Variants in NRG3 observed in about 807,000 individuals in gnomAD.
The protein encoded by NRG3 is neuregulin 3, also known as pro-neuregulin-3, membrane-bound isoform.
Under a neutral mutation model 66.9 loss-of-function variants are expected in NRG3, and 31 were observed. The ratio of observed to expected loss-of-function variants is 0.46; its 90% CI spans 0.35 to 0.63. The LOEUF is 0.63. NRG3 is among the 20% of genes least tolerant of loss of function. NRG3 has a pLI of 0.00. For missense variants in NRG3, 910 were observed against 878.9 expected (o/e 1.04, Z -0.45); for synonymous variants, 393 against 359.4 (o/e 1.09, Z -1.06).
At chr10:82,659,522 G>A (rs1053379158) in intron 2 of NRG3, among the ~76,000 whole-genome samples, 5 of 152,100 alleles carry the variant, frequency 3.3e-5, no homozygotes, top group Non-Finnish European at 5.9e-5. Flanking sequence ...GTGGTTGCCT[G>A]TAGTCCTAGC....
intron 1 of NRG3, among the ~76,000 whole-genome samples, chr10:82,264,250 G>A (rs977911956): frequency 2.0e-5 from 3 of 152,130 alleles, no homozygotes; most frequent in African/African-American, 7.2e-5. Flanking sequence ...CCACATTGCT[G>A]GGGGGCCTCA....
intron 3 of NRG3, among the ~76,000 whole-genome samples, chr10:82,799,244 T>C (rs2060926870): frequency 6.6e-6 from 1 of 152,038 alleles, no homozygotes; most frequent in Non-Finnish European, 1.5e-5. Flanking sequence ...GATTTTACCC[T>C]AGGCTGGGTG....
intron 2 of NRG3, among the ~76,000 whole-genome samples, chr10:82,652,411 G>C (rs962715163): frequency 2.0e-5 from 3 of 152,088 alleles, no homozygotes; most frequent in African/African-American, 7.2e-5. Flanking sequence ...GCAGGAAGGG[G>C]AGCTGAAAAG....
rs189666193 is a variant in NRG3, at chr10:82,186,152, A to T, written c.824-172587A>T. Among the ~76,000 whole-genome samples the T allele has an allele frequency of 3.3e-3, 500 of 152,276 alleles. 2 individuals are homozygous for T. The highest frequency in any genetic ancestry group is 0.011 in the African/African-American group (477 of 41,580). ...AAACAAGATTTTTTTTTACAGAAGC[A>T]TTCAGAACTCCAAAGAGATTATAAC... On this transcript the variant is annotated intron_variant, in intron 1 of 8. Transcript: ENST00000372141.
chr10:82,234,649 A>G (rs2076667595), intron 1 of NRG3, among the ~76,000 whole-genome samples: 1 of 152,278 alleles, frequency 6.6e-6, no homozygotes, highest in Non-Finnish European at 1.5e-5. Flanking sequence ...AGCAATCATT[A>G]TTAACAAAAC....
chr10:82,844,789 A>T (rs2063226654), intron 3 of NRG3, among the ~76,000 whole-genome samples: 1 of 152,140 alleles, frequency 6.6e-6, no homozygotes, highest in Admixed American at 6.5e-5. Flanking sequence ...ACAAAGGATT[A>T]ATTAAATGAG....
At chr10:81,922,139 CT>C (rs1022858806) in intron 1 of NRG3, among the ~76,000 whole-genome samples, 1 of 151,998 alleles carries the variant, frequency 6.6e-6, no homozygotes, top group East Asian at 1.9e-4. Context: ...TAGTTAACGA[CT>C]TTTTTTGTCA....
intron 2 of NRG3, among the ~76,000 whole-genome samples, chr10:82,675,776 G>C (rs1014888294): frequency 1.3e-5 from 2 of 152,206 alleles, no homozygotes; most frequent in Admixed American, 1.3e-4. Flanking sequence ...GGCTAGATCA[G>C]ATCTCCCCCA....
chr10:82,075,164 A>G (rs2065023530), intron 1 of NRG3, among the ~76,000 whole-genome samples: 1 of 152,140 alleles, frequency 6.6e-6, no homozygotes, highest in South Asian at 2.1e-4. Context: ...TTCTTCATGA[A>G]ATACCTGTTC....
intron 1 of NRG3, among the ~76,000 whole-genome samples, chr10:82,031,406 TC>T (rs1405246470): frequency 9.2e-5 from 14 of 152,164 alleles, no homozygotes; most frequent in Non-Finnish European, 2.9e-5. Flanking sequence ...ATATTCTAAC[TC>T]TTTATCCTTA....
At chr10:82,410,477 A>G (rs181506230) in intron 2 of NRG3, among the ~76,000 whole-genome samples, 43 of 149,658 alleles carry the variant, frequency 2.9e-4, no homozygotes, top group African/African-American at 1.0e-3. Flanking sequence ...ATATATATAT[A>G]AATAAAATGT....
At chr10:82,832,685 G>A (rs1229870914) in intron 3 of NRG3, among the ~76,000 whole-genome samples, 2 of 152,084 alleles carry the variant, frequency 1.3e-5, no homozygotes, top group East Asian at 3.9e-4. Flanking sequence ...GCAATCATAT[G>A]ATGGAATATT....
At chr10:82,311,214 C>T (rs1382855517) in intron 1 of NRG3, among the ~76,000 whole-genome samples, 2 of 152,190 alleles carry the variant, frequency 1.3e-5, no homozygotes, top group Admixed American at 6.5e-5. Context: ...AGAGGAAGTG[C>T]GGTCATCTAG....
chr10:82,457,346 A>G (rs1424223331), intron 2 of NRG3, among the ~76,000 whole-genome samples: 1 of 152,126 alleles, frequency 6.6e-6, no homozygotes, highest in Non-Finnish European at 1.5e-5. Context: ...AGATTCTCAT[A>G]AGGAACACAT....
At chr10:82,605,386 G>T (rs1427585638) in intron 2 of NRG3, among the ~76,000 whole-genome samples, 3 of 151,904 alleles carry the variant, frequency 2.0e-5, no homozygotes, top group Non-Finnish European at 4.4e-5. Context: ...TACATTAACA[G>T]ATTTTCAAAT....
intron 1 of NRG3, among the ~76,000 whole-genome samples, chr10:82,184,383 C>A: frequency 6.6e-6 from 1 of 152,132 alleles, no homozygotes; most frequent in African/African-American, 2.4e-5. Flanking sequence ...AGGCTAAGAC[C>A]TTGACATGGA....
intron 1 of NRG3, among the ~76,000 whole-genome samples, chr10:82,053,427 A>T: frequency 6.6e-6 from 1 of 152,194 alleles, no homozygotes; most frequent in East Asian, 1.9e-4. Flanking sequence ...CAGCTGGAAG[A>T]TAAGAGCAGA....
At chr10:82,519,519 A>T (rs1298953571) in intron 2 of NRG3, among the ~76,000 whole-genome samples, 1 of 152,078 alleles carries the variant, frequency 6.6e-6, no homozygotes, top group Admixed American at 6.6e-5. Context: ...CTTTCTTTAA[A>T]TTCCCTTTCC....
At chr10:82,175,013 C>T (rs1412381280) in intron 1 of NRG3, among the ~76,000 whole-genome samples, 1 of 152,054 alleles carries the variant, frequency 6.6e-6, no homozygotes, top group African/African-American at 2.4e-5. Flanking sequence ...GTTAATTGTC[C>T]TACCATACAT....
Sources: allele counts gnomAD v4.1 joint callset (sites outside exome capture counted in the v4.1 genomes callset), GRCh38; gene constraint gnomAD v4.1.1; transcripts MANE v1.5; gene names NCBI Gene and HGNC (gene_info 2026-07-23, HGNC 2026-07-21).